The following CSGALNACT1 variants were observed in gnomAD, a reference collection of about 807,000 sequenced individuals.
The protein encoded by CSGALNACT1 is beta4GalNAcT-1.
CSGALNACT1 carries 52 observed loss-of-function variants against 51.0 expected under a neutral mutation model. That is an observed-to-expected ratio of 1.02 (90% CI 0.82 to 1.29). The LOEUF (loss-of-function observed/expected upper bound fraction) is 1.29. Among genes scored for constraint, CSGALNACT1 ranks in the 50% most tolerant of loss-of-function variants. The pLI is 0.00. For missense variants in CSGALNACT1, 935 were observed against 679.2 expected (o/e 1.38, Z -4.19); for synonymous variants, 341 against 254.4 (o/e 1.34, Z -3.24).
At chr8:19,409,105 G>T (rs899078644) in intron 8 of CSGALNACT1, among the ~76,000 whole-genome samples, 1 of 152,162 alleles carries the variant, frequency 6.6e-6, no homozygotes, top group Non-Finnish European at 1.5e-5. Context: ...CCTGGGCAGC[G>T]AGCCAGCAAA....
chr8:19,645,484 G>A (rs1322445202), intron 1 of CSGALNACT1, among the ~76,000 whole-genome samples: 1 of 152,322 alleles, frequency 6.6e-6, no homozygotes, highest in East Asian at 1.9e-4. Flanking sequence ...CCACTTACAA[G>A]CTGTGTGCTC....
intron 6 of CSGALNACT1, 43 bp from the exon 6 acceptor site, chr8:19,420,561 T>C (rs1055387289): frequency 6.3e-7 from 1 of 1,593,868 alleles, no homozygotes; most frequent in Non-Finnish European, 8.6e-7. Context: ...TTCCCACATG[T>C]TGGCAGCATC....
chr8:19,486,906 C>G (rs566175236), intron 4 of CSGALNACT1, among the ~76,000 whole-genome samples: 1 of 150,522 alleles, frequency 6.6e-6, no homozygotes, highest in Non-Finnish European at 1.5e-5. Context: ...AGTAGCTGCC[C>G]AACAACACTT....
In CSGALNACT1 at chr8:19,584,694, T is replaced by C. The variant is rs568015052; in HGVS notation, c.-297+6466A>G. Reference sequence around the variant, plus strand: ...ATCCTCTAACTGGCTATGATATTGTTTTCTTTCACAGTATGTCCTAGAATG... The same window carrying C: ...ATCCTCTAACTGGCTATGATATTGTCTTCTTTCACAGTATGTCCTAGAATG... On this transcript the variant is annotated intron_variant, in intron 3 of 9. Transcript: ENST00000454498. Among the ~76,000 whole-genome samples, 24 of 152,350 alleles carry C rather than the reference T, an allele frequency of 1.6e-4. No individual in the cohort carries two copies. In the South Asian group the frequency reaches 4.6e-3, roughly 29 times the overall value.
intron 1 of CSGALNACT1, among the ~76,000 whole-genome samples, chr8:19,627,296 G>C (rs1165678229): frequency 6.6e-6 from 1 of 152,156 alleles, no homozygotes; most frequent in African/African-American, 2.4e-5. Flanking sequence ...AATCTCCAAA[G>C]TTAAGATTCC....
chr8:19,674,204 A>T (rs1401271673), intron 1 of CSGALNACT1, among the ~76,000 whole-genome samples: 1 of 152,142 alleles, frequency 6.6e-6, no homozygotes, highest in African/African-American at 2.4e-5. Context: ...GAGGCAGGAG[A>T]ATTGTTCGAA....
intron 6 of CSGALNACT1, among the ~76,000 whole-genome samples, chr8:19,428,543 G>C (rs1273737840): frequency 6.6e-6 from 1 of 152,172 alleles, no homozygotes; most frequent in Non-Finnish European, 1.5e-5. Flanking sequence ...AATTACGGGA[G>C]CTACAGTTCA....
intron 3 of CSGALNACT1, among the ~76,000 whole-genome samples, chr8:19,547,174 T>C (rs546879434): frequency 6.6e-6 from 1 of 152,232 alleles, no homozygotes; most frequent in African/African-American, 2.4e-5. Context: ...AAAGCAAAAA[T>C]GCCAGCAGTG....
At chr8:19,506,123 G>T (rs1418203023) in exon 4 of CSGALNACT1, 1 of 617,570 alleles carries the variant, frequency 1.6e-6, no homozygotes, top group Non-Finnish European at 3.0e-6. Flanking sequence ...CCAACAGCAA[G>T]AGGGGACCTG....
At chr8:19,664,491 A>T (rs2059019134) in intron 1 of CSGALNACT1, among the ~76,000 whole-genome samples, 1 of 152,188 alleles carries the variant, frequency 6.6e-6, no homozygotes, top group Admixed American at 6.5e-5. Context: ...CTGGGTATCT[A>T]CCCAAAGGAA....
At chr8:19,532,036 G>C (rs1465249959) in intron 3 of CSGALNACT1, 2 of 152,044 alleles carry the variant, frequency 1.3e-5, no homozygotes, top group Non-Finnish European at 2.9e-5. Context: ...AAGGAAAATA[G>C]TCCTGACATC....
chr8:19,582,501 C>T (rs2045790255), intron 3 of CSGALNACT1, among the ~76,000 whole-genome samples: 1 of 152,140 alleles, frequency 6.6e-6, no homozygotes, highest in Non-Finnish European at 1.5e-5. Flanking sequence ...TGAAGAAAAT[C>T]ATCTGGCTTC....
chr8:19,585,629 C>A (rs963895195), intron 3 of CSGALNACT1, among the ~76,000 whole-genome samples: 2 of 152,094 alleles, frequency 1.3e-5, no homozygotes, highest in African/African-American at 2.4e-5. Context: ...ATTGTAAAAA[C>A]CCATTAATCT....
chr8:19,612,486 A>G (rs184900305), intron 1 of CSGALNACT1, among the ~76,000 whole-genome samples: 2 of 152,124 alleles, frequency 1.3e-5, no homozygotes, highest in African/African-American at 4.8e-5. Flanking sequence ...CCTCAAGATC[A>G]TCTGTTCACA....
intron 4 of CSGALNACT1, among the ~76,000 whole-genome samples, chr8:19,469,341 T>C (rs2067526700): frequency 6.6e-6 from 1 of 152,044 alleles, no homozygotes; most frequent in African/African-American, 2.4e-5. Flanking sequence ...CAGTAAGCTG[T>C]GTGTGCACCA....
At chr8:19,582,532 A>T (rs950133519) in intron 3 of CSGALNACT1, among the ~76,000 whole-genome samples, 1 of 152,172 alleles carries the variant, frequency 6.6e-6, no homozygotes, top group Non-Finnish European at 1.5e-5. Flanking sequence ...CACATGACTA[A>T]GAGCTGGTCA....
chr8:19,576,406 T>A (rs929667804), intron 3 of CSGALNACT1, among the ~76,000 whole-genome samples: 2 of 152,182 alleles, frequency 1.3e-5, no homozygotes, highest in Non-Finnish European at 2.9e-5. Context: ...TTGGCCAGGC[T>A]GGTCTCAAAG....
At chr8:19,659,291 T>C (rs2058564088) in intron 1 of CSGALNACT1, among the ~76,000 whole-genome samples, 1 of 152,242 alleles carries the variant, frequency 6.6e-6, no homozygotes, top group African/African-American at 2.4e-5. Context: ...TCTTGCATTA[T>C]TTCCCATTGG....
intron 1 of CSGALNACT1, among the ~76,000 whole-genome samples, chr8:19,690,922 T>A (rs2061275714): frequency 6.6e-6 from 1 of 152,146 alleles, no homozygotes; most frequent in Non-Finnish European, 1.5e-5. Context: ...TAATAAAGAT[T>A]GCCTTATTAA....
Sources: gnomAD v4.1 joint callset for allele counts (sites outside exome capture counted in the v4.1 genomes callset) on GRCh38, gnomAD v4.1.1 for gene constraint, MANE v1.5 for transcripts, NCBI Gene and HGNC (gene_info 2026-07-23, HGNC 2026-07-21) for gene names.